Variants in COL25A1 observed in about 807,000 individuals in gnomAD.
COL25A1 encodes the protein collagen type XXV alpha 1 chain, also known as collagen alpha-1(XXV) chain.
COL25A1 carries 103 observed loss-of-function variants against 128.4 expected under a neutral mutation model. The ratio of observed to expected loss-of-function variants is 0.80; its 90% confidence interval spans 0.68 to 0.94. The LOEUF (loss-of-function observed/expected upper bound fraction) is 0.94. Among genes scored for constraint, COL25A1 ranks in the 40% least tolerant of loss-of-function variants. The pLI is 0.00. For missense variants in COL25A1, 745 were observed against 840.0 expected, an observed-to-expected ratio of 0.89 and a Z score of 1.40; for synonymous variants, 279 against 277.2, an observed-to-expected ratio of 1.01 and a Z score of -0.06.
chr4:109,150,413 G>T (rs928671298), intron 3 of COL25A1, among the ~76,000 whole-genome samples: 17 of 152,054 alleles, frequency 1.1e-4, no homozygotes, highest in Non-Finnish European at 1.5e-5. Flanking sequence ...TTTCTAAACT[G>T]TCAAGAAAAT....
chr4:108,940,795 T>C, intron 9 of COL25A1, 149 bp from the exon 10 acceptor site: 1 of 575,570 alleles, frequency 1.7e-6, no homozygotes, highest in Non-Finnish European at 3.0e-6. Flanking sequence ...TGTAGGCAAT[T>C]TGCTTCCCAG....
chr4:108,901,985 AT>A (rs1329397338), intron 13 of COL25A1, among the ~76,000 whole-genome samples: 1 of 152,016 alleles, frequency 6.6e-6, no homozygotes, highest in Non-Finnish European at 1.5e-5. Context: ...TTCTGTTCTC[AT>A]TTTAAAACAT....
At chr4:109,291,510 A>C (rs536504686) in intron 3 of COL25A1, among the ~76,000 whole-genome samples, 1 of 152,216 alleles carries the variant, frequency 6.6e-6, no homozygotes, top group Non-Finnish European at 1.5e-5. Context: ...GAAGTCTTAT[A>C]ACGTATATTT....
intron 3 of COL25A1, among the ~76,000 whole-genome samples, chr4:109,255,620 T>C (rs986376871): frequency 2.3e-4 from 35 of 150,460 alleles, no homozygotes; most frequent in African/African-American, 8.3e-4. Flanking sequence ...ATCATTATTA[T>C]GCACTAGACT....
At chr4:109,300,279 A>C (rs1402071264) in intron 3 of COL25A1, among the ~76,000 whole-genome samples, 2 of 152,126 alleles carry the variant, frequency 1.3e-5, no homozygotes, top group Admixed American at 1.3e-4. Context: ...CATTAAGACA[A>C]TTTAATTGAA....
intron 3 of COL25A1, among the ~76,000 whole-genome samples, chr4:109,208,288 A>C (rs1296293747): frequency 1.3e-5 from 2 of 152,146 alleles, no homozygotes; most frequent in Non-Finnish European, 2.9e-5. Context: ...CAGCACACCA[A>C]AAATAATGAA....
chr4:109,243,201 T>G (rs568189191), intron 3 of COL25A1, among the ~76,000 whole-genome samples: 3 of 152,198 alleles, frequency 2.0e-5, no homozygotes, highest in Admixed American at 6.6e-5. Flanking sequence ...CAATGTGGGA[T>G]GGGAGAGCAA....
intron 6 of COL25A1, among the ~76,000 whole-genome samples, chr4:109,002,971 A>T (rs6533402): frequency 0.8 from 120,696 of 151,736 alleles, 49,166 homozygotes; most frequent in East Asian, 1. Flanking sequence ...GATGTTCCCC[A>T]ACCTGTGTCC....
At chr4:109,172,984 AG>A (rs2126133734) in intron 3 of COL25A1, among the ~76,000 whole-genome samples, 1 of 152,338 alleles carries the variant, frequency 6.6e-6, no homozygotes, top group East Asian at 1.9e-4. Flanking sequence ...TCTATCTAGC[AG>A]TTTGCAATGT....
At chr4:108,846,961 A>C (rs1408615411) in intron 27 of COL25A1, among the ~76,000 whole-genome samples, 1 of 145,682 alleles carries the variant, frequency 6.9e-6, no homozygotes, top group Non-Finnish European at 1.5e-5. Flanking sequence ...GCTGGACCGC[A>C]ATGGTGCGAT....
chr4:109,088,843 TAGG>T (rs1222132031), intron 3 of COL25A1, among the ~76,000 whole-genome samples: 2 of 152,044 alleles, frequency 1.3e-5, no homozygotes, highest in African/African-American at 4.8e-5. Context: ...CCCAACTGAG[TAGG>T]AGAATAAAGA....
chr4:109,197,451 T>A (rs1412961153), intron 3 of COL25A1, among the ~76,000 whole-genome samples: 2 of 119,614 alleles, frequency 1.7e-5, no homozygotes, highest in African/African-American at 6.1e-5. Context: ...TTATATATAT[T>A]ATATATAAAT....
At chr4:108,903,485 T>C (rs983711484) in intron 13 of COL25A1, among the ~76,000 whole-genome samples, 4 of 152,056 alleles carry the variant, frequency 2.6e-5, no homozygotes, top group African/African-American at 9.6e-5. Context: ...ACCACTTGTT[T>C]AATCAGTCCC....
chr4:108,856,415 G>C (rs1736511801), intron 24 of COL25A1, among the ~76,000 whole-genome samples: 1 of 152,058 alleles, frequency 6.6e-6, no homozygotes, highest in Non-Finnish European at 1.5e-5. Context: ...GATTATCCTA[G>C]AGTATTTTTG....
At chr4:109,281,194 A>G (rs1297669654) in intron 3 of COL25A1, among the ~76,000 whole-genome samples, 1 of 152,196 alleles carries the variant, frequency 6.6e-6, no homozygotes, top group Non-Finnish European at 1.5e-5. Flanking sequence ...ATTAGTTACC[A>G]TTCAATAGTT....
chr4:108,864,383 T>TTTAC (rs368357856), intron 20 of COL25A1, among the ~76,000 whole-genome samples: 32 of 152,344 alleles, frequency 2.1e-4, no homozygotes, highest in African/African-American at 7.5e-4. Context: ...GGCTCTGCTA[T>TTTAC]TTACCAATTC....
intron 3 of COL25A1, among the ~76,000 whole-genome samples, chr4:109,292,541 C>T (rs533954230): frequency 6.6e-6 from 1 of 151,998 alleles, no homozygotes; most frequent in Non-Finnish European, 1.5e-5. Context: ...TACATAGATA[C>T]AAACCAGAGC....
chr4:109,031,217 T>C (rs1758822568), intron 5 of COL25A1, among the ~76,000 whole-genome samples: 1 of 152,190 alleles, frequency 6.6e-6, no homozygotes, highest in Non-Finnish European at 1.5e-5. Context: ...GTCCACGCCA[T>C]TCTCTCGCCT....
rs1730621649 is a variant in COL25A1, at chr4:108,809,382, T to C, written c.*4545A>G. The C allele has an allele frequency of 6.6e-6, 1 of 152,142 alleles. No individual in the cohort carries two copies. The highest frequency in any genetic ancestry group is 2.1e-4 in the South Asian group (1 of 4,834). 9.4% of individuals were successfully genotyped at this position (152,142 alleles called of 1,614,324 possible). On this transcript the variant is annotated 3_prime_UTR_variant, in exon 38 of 38. Transcript: ENST00000399132. ...AACATTTACAACAGTATAAAGAATA[T>C]TCACATAAATGTCAACAGTATGTAA...
Sources: allele counts gnomAD v4.1 joint callset (sites outside exome capture counted in the v4.1 genomes callset), GRCh38; gene constraint gnomAD v4.1.1; transcripts MANE v1.5; gene names NCBI Gene and HGNC (gene_info 2026-07-23, HGNC 2026-07-21).